The following CLUL1 variants were observed in gnomAD, a reference collection of about 807,000 sequenced individuals.
The protein encoded by CLUL1 is clusterin-like protein 1.
CLUL1 carries 43 observed loss-of-function variants against 49.4 expected under a neutral mutation model. The observed-to-expected ratio is 0.87, with a 90% CI of 0.68 to 1.12. The LOEUF (loss-of-function observed/expected upper bound fraction) is 1.12, where lower values mean the gene tolerates loss of function less well. CLUL1 is among the 50% of genes most tolerant of loss of function. The pLI is 0.00. For missense variants in CLUL1, 486 were observed against 544.4 expected (o/e 0.89, Z 1.07); for synonymous variants, 192 against 184.9 (o/e 1.04, Z -0.31).
In CLUL1 at chr18:606,199, T is replaced by A. The variant is rs551329576; in HGVS notation, c.-135-779T>A. 2.0e-5 allele frequency among the ~76,000 whole-genome samples: 3 copies of A among 151,848 alleles called. No homozygotes were observed. The South Asian group carries it at 6.2e-4, about 32-fold the overall frequency. Reference sequence around the variant, plus strand: ...GCTTCCCCATGCTCCTAGGTCAGGGTCCTCTCTTGGCATGACACTACCACC... The same window carrying A: ...GCTTCCCCATGCTCCTAGGTCAGGGACCTCTCTTGGCATGACACTACCACC... On this transcript the variant is annotated intron_variant, in intron 1 of 9. Coordinates refer to ENST00000692774, the MANE Select transcript of CLUL1 (RefSeq NM_001393344.1). This position sits in a 1 kb window ranked among gnomAD's most constrained non-coding sequence, Gnocchi z 4.1.
chr18:645,773 G>A (rs1248080931), intron 9 of CLUL1, among the ~76,000 whole-genome samples: 2 of 92,710 alleles, frequency 2.2e-5, no homozygotes, highest in East Asian at 4.1e-4. Flanking sequence ...CAGCCTGGGC[G>A]ACAGAGCGAG....
chr18:612,991 C>CAGAT (rs534501026), intron 2 of CLUL1: 498 of 277,502 alleles, frequency 1.8e-3, no homozygotes, highest in Non-Finnish European at 2.8e-3. Flanking sequence ...CTGATCTAAA[C>CAGAT]AGATAAATTC....
chr18:626,930 G>A (rs79883979), intron 5 of CLUL1, among the ~76,000 whole-genome samples, 167 bp from the exon 6 acceptor site: 4,364 of 6,830 alleles, frequency 0.64, 1,364 homozygotes, highest in South Asian at 0.73. Context: ...AAAGAAAGAA[G>A]GAAAGAAGGA....
intron 5 of CLUL1, among the ~76,000 whole-genome samples, chr18:626,108 T>C (rs1250774141): frequency 6.6e-6 from 1 of 152,090 alleles, no homozygotes; most frequent in Non-Finnish European, 1.5e-5. Context: ...TCCACCCAAA[T>C]TCTTTTCTTT....
intron 2 of CLUL1, among the ~76,000 whole-genome samples, chr18:611,409 T>C (rs1490053431): frequency 2.0e-5 from 3 of 151,690 alleles, no homozygotes; most frequent in African/African-American, 7.3e-5. Context: ...ATTAAAAGGA[T>C]TAGGAGGGCT....
intron 1 of CLUL1, among the ~76,000 whole-genome samples, chr18:603,458 C>CT (rs1243290644): frequency 6.6e-6 from 1 of 151,160 alleles, no homozygotes; most frequent in African/African-American, 2.5e-5. Flanking sequence ...TTCCTAAATA[C>CT]TTAAAAAAAT....
intron 5 of CLUL1, among the ~76,000 whole-genome samples, chr18:625,518 AACACACACAC>A (rs3221054): frequency 0.018 from 2,544 of 144,606 alleles, 73 homozygotes; most frequent in African/African-American, 0.059. Flanking sequence ...CCTTATGCAT[AACACACACAC>A]ACACACACAC....
At chr18:640,214 A>C (rs1330041203) in intron 7 of CLUL1, among the ~76,000 whole-genome samples, 1 of 151,984 alleles carries the variant, frequency 6.6e-6, no homozygotes, top group Non-Finnish European at 1.5e-5. Flanking sequence ...GAGGACACGC[A>C]AGCCTGGGCA....
chr18:599,828 G>A (rs2072769782), intron 1 of CLUL1, among the ~76,000 whole-genome samples: 1 of 151,820 alleles, frequency 6.6e-6, no homozygotes, highest in African/African-American at 2.4e-5. Context: ...GCTACTCATA[G>A]TCCCAGCTAC....
chr18:633,210 C>T (rs562517319), intron 6 of CLUL1, 88 bp from the exon 7 acceptor site: 1 of 1,098,886 alleles, frequency 9.1e-7, no homozygotes, highest in African/African-American at 1.6e-5. Flanking sequence ...TTTGAAAGCA[C>T]TGGTAAGAAA....
At chr18:610,618 G>C (rs114013936) in intron 2 of CLUL1, among the ~76,000 whole-genome samples, 1 of 152,178 alleles carries the variant, frequency 6.6e-6, no homozygotes, top group Non-Finnish European at 1.5e-5. Context: ...AAGCCCCAGG[G>C]AAGAGAAACA....
In CLUL1 at chr18:648,152, C is replaced by T. The variant is rs1309813181; in HGVS notation, c.1398-1746C>T. Among the ~76,000 whole-genome samples the T allele has an allele frequency of 2.0e-5, 3 of 152,296 alleles. No individual in the cohort carries two copies. The East Asian group carries it at 5.8e-4, about 29-fold the overall frequency. On this transcript the variant is annotated intron_variant, in intron 9 of 9. Coordinates refer to ENST00000692774, the MANE Select transcript of CLUL1 (RefSeq NM_001393344.1). ...GGTTCACTCTACAGCGCTGGTGAGACACGATAGGTTTTAGAGAAAGGAAGC... is the reference window on the plus strand; with the variant it reads ...GGTTCACTCTACAGCGCTGGTGAGATACGATAGGTTTTAGAGAAAGGAAGC...
At chr18:622,204 A>T (rs2073509207) in intron 4 of CLUL1, among the ~76,000 whole-genome samples, 1 of 152,158 alleles carries the variant, frequency 6.6e-6, no homozygotes, top group African/African-American at 2.4e-5. Context: ...GTGACCCAGC[A>T]TCCTCACTGT....
At chr18:627,676 A>G (rs190313256) in intron 6 of CLUL1, 147 bp downstream of exon 6, 30 of 619,190 alleles carry the variant, frequency 4.8e-5, no homozygotes, top group Non-Finnish European at 2.8e-5. Context: ...GCCTCTTAAA[A>G]GAAGCTTTGA....
chr18:631,579 A>G (rs1163157816), intron 6 of CLUL1, among the ~76,000 whole-genome samples: 3 of 152,130 alleles, frequency 2.0e-5, no homozygotes, highest in Non-Finnish European at 4.4e-5. Context: ...AGGATGGGGA[A>G]TTAGTGTCAT....
chr18:615,955 C>G (rs2073276538), intron 2 of CLUL1, among the ~76,000 whole-genome samples: 1 of 152,050 alleles, frequency 6.6e-6, no homozygotes, highest in Non-Finnish European at 1.5e-5. Flanking sequence ...GGCAGGTGGC[C>G]CAGTTCAGAA....
chr18:613,156 G>C (rs939061791), intron 2 of CLUL1: 2 of 431,708 alleles, frequency 4.6e-6, no homozygotes, highest in Non-Finnish European at 8.2e-6. Context: ...TATTTTTTTT[G>C]AGATGGAGTC....
chr18:619,226 G>A lies in CLUL1; in HGVS notation c.120G>A (p.Val40=), dbSNP rs376056157. Residue 40 remains valine, a synonymous_variant, in exon 4 of 10, where the codon GTG becomes GTA. Coordinates refer to ENST00000692774, the MANE Select transcript of CLUL1 (RefSeq NM_001393344.1). ...ISENLKSFSE[V]GEIDADEEVK... is the part of the protein sequence containing the mutation. ...CATGTCTTTTAGGTTTTTCTGAGGT[G>A]GGGGAGATAGATGCAGATGAAGAGG... is the stretch of plus-strand genomic sequence containing the variant. The A allele has an allele frequency of 1.2e-6, 2 of 1,613,136 alleles. No individual in the cohort carries two copies. The highest frequency in any genetic ancestry group is 1.7e-5 in the Admixed American group (1 of 59,774).
Position 627,333 on chromosome 18 carries a change from T to C in CLUL1, c.660T>C (p.Asp220=). 6.2e-7 allele frequency: 1 copy of C among 1,614,088 alleles called. No homozygotes were observed. Among genetic ancestry groups the C allele is most frequent in the Non-Finnish European group, 8.5e-7 (1 of 1,180,004 alleles). Residue 220 remains aspartate, a synonymous_variant, in exon 6 of 10, where the codon GAT becomes GAC. Transcript: ENST00000692774. ...CTTTTCAATCACATTTCATATCAGATACAGACCTAACTGAGCCTTACTTTT... is the reference window on the plus strand; with the variant it reads ...CTTTTCAATCACATTTCATATCAGACACAGACCTAACTGAGCCTTACTTTT... ...DQTFQSHFIS[D]TDLTEPYFFP...
Sources: allele counts gnomAD v4.1 joint callset (sites outside exome capture counted in the v4.1 genomes callset), GRCh38; gene constraint gnomAD v4.1.1; non-coding constraint Gnocchi (gnomAD v3.1); transcripts MANE v1.5; gene names NCBI Gene and HGNC (gene_info 2026-07-23, HGNC 2026-07-21).